Variants in CRTC3 observed in about 807,000 individuals in gnomAD.
CRTC3 encodes CREB-regulated transcription coactivator 3.
A neutral mutation model predicts 74.5 loss-of-function variants in CRTC3; 26 were observed. That is an observed-to-expected ratio of 0.35 (90% CI 0.26 to 0.48). The LOEUF is 0.48. Ranked by LOEUF, CRTC3 falls within the 20% of genes least tolerant of loss-of-function variation. The pLI, the probability that CRTC3 is intolerant of heterozygous loss-of-function variation, is 0.99. For synonymous variants in CRTC3, 377 were observed against 325.8 expected, an observed-to-expected ratio of 1.16 and a Z score of -1.69; for missense variants, 760 against 787.3, an observed-to-expected ratio of 0.97 and a Z score of 0.41.
intron 2 of CRTC3, among the ~76,000 whole-genome samples, chr15:90,559,831 T>C (rs902075468): frequency 6.6e-6 from 1 of 152,182 alleles, no homozygotes; most frequent in Non-Finnish European, 1.5e-5. Context: ...TTGGTAGAGA[T>C]GGGGTTTTGC....
intron 2 of CRTC3, among the ~76,000 whole-genome samples, chr15:90,584,498 A>G (rs972877193): frequency 6.6e-6 from 1 of 152,092 alleles, no homozygotes; most frequent in African/African-American, 2.4e-5. Flanking sequence ...CAGCCTCCCA[A>G]AGTACTGGGA....
intron 2 of CRTC3, among the ~76,000 whole-genome samples, chr15:90,558,113 A>G (rs1481389547): frequency 6.6e-6 from 1 of 152,116 alleles, no homozygotes; most frequent in East Asian, 1.9e-4. Flanking sequence ...ACTTGTGCCA[A>G]AACCTTGGAG....
At chr15:90,561,482 T>C (rs933901440) in intron 2 of CRTC3, among the ~76,000 whole-genome samples, 16 of 152,182 alleles carry the variant, frequency 1.1e-4, no homozygotes, top group East Asian at 3.8e-4. Flanking sequence ...GTGCCTTGAC[T>C]CAGTGCAGCT....
Position 90,642,820 on chromosome 15 carries a change from G to A in CRTC3, c.*680G>A, listed in dbSNP as rs1212919689. The A allele has an allele frequency of 4.3e-6, 1 of 232,874 alleles. No individual in the cohort carries two copies. Among genetic ancestry groups the A allele is most frequent in the Non-Finnish European group, 8.5e-6 (1 of 117,720 alleles). The allele number at this position is 232,874 out of a possible 1,614,324, so 14.4% of individuals were successfully genotyped here. ...TCCTTATGGACCAGAGGAAGAGGAAGACCATTTTATCAGTCACTGAAAAGA... is the reference window on the plus strand; with the variant it reads ...TCCTTATGGACCAGAGGAAGAGGAAAACCATTTTATCAGTCACTGAAAAGA... On this transcript the variant is annotated 3_prime_UTR_variant, in exon 15 of 15. Coordinates refer to ENST00000268184, the MANE Select transcript of CRTC3 (RefSeq NM_022769.5).
At position 90,642,529 on chromosome 15, in the gene CRTC3, G is replaced by T. The variant is rs907548888; in HGVS notation, c.*389G>T. ...AGAACCACTGATCTCCGTCCGCACC[G>T]AAGGCGGGCCCGGAGTGGGAGGCTC... is the stretch of plus-strand genomic sequence containing the variant. On this transcript the variant is annotated 3_prime_UTR_variant, in exon 15 of 15. Transcript: ENST00000268184. 8 of 323,584 alleles carry T rather than the reference G, an allele frequency of 2.5e-5. No individual in the cohort carries two copies. Among genetic ancestry groups the T allele is most frequent in the Non-Finnish European group, 3.5e-5 (6 of 172,560 alleles). The allele number at this position is 323,584 out of a possible 1,614,324, so 20.0% of individuals were successfully genotyped here.
chr15:90,636,696 C>G (rs1969250454), intron 11 of CRTC3, among the ~76,000 whole-genome samples: 1 of 151,800 alleles, frequency 6.6e-6, no homozygotes, highest in Admixed American at 6.6e-5. Context: ...ACAAAGAACT[C>G]AAATTTACAA....
At chr15:90,617,736 G>T (rs1345244513) in intron 7 of CRTC3, 147 bp from the exon 8 acceptor site, 2 of 574,136 alleles carry the variant, frequency 3.5e-6, no homozygotes, top group African/African-American at 3.8e-5. Context: ...TCACTATGTT[G>T]CCCAGGCTTG....
intron 13 of CRTC3, among the ~76,000 whole-genome samples, chr15:90,640,522 T>TA (rs1215551607): frequency 5.9e-5 from 9 of 151,638 alleles, no homozygotes; most frequent in Admixed American, 1.3e-4. Context: ...ACCCTGTCTC[T>TA]AAAAAAAATA....
intron 2 of CRTC3, among the ~76,000 whole-genome samples, chr15:90,583,270 AC>A (rs1254899241): frequency 6.6e-6 from 1 of 152,140 alleles, no homozygotes; most frequent in Admixed American, 6.6e-5. Context: ...TTCTGGAGTC[AC>A]CTTTTAACTT....
At chr15:90,606,882 G>C (rs972058190) in intron 5 of CRTC3, 1 of 152,490 alleles carries the variant, frequency 6.6e-6, no homozygotes, top group Non-Finnish European at 1.5e-5. Flanking sequence ...GCTTGGGAGA[G>C]AGCGAGAGTG....
chr15:90,628,077 C>T (rs981580875), intron 10 of CRTC3, among the ~76,000 whole-genome samples: 5 of 151,048 alleles, frequency 3.3e-5, no homozygotes, highest in African/African-American at 7.3e-5. Context: ...ATTAACCAGG[C>T]GTGGCGGCAC....
At chr15:90,540,239 G>C in intron 2 of CRTC3, 102 bp downstream of exon 2, 2 of 744,054 alleles carry the variant, frequency 2.7e-6, no homozygotes, top group South Asian at 3.6e-5. Context: ...CTGGGCCTAG[G>C]TACAGTTCAG....
intron 2 of CRTC3, among the ~76,000 whole-genome samples, chr15:90,545,796 T>A (rs1023028699): frequency 2.6e-5 from 4 of 152,244 alleles, no homozygotes; most frequent in Admixed American, 2.0e-4. Flanking sequence ...GCCAGGATGG[T>A]CTCCATCTCC....
chr15:90,575,606 A>G (rs149555209), intron 2 of CRTC3, among the ~76,000 whole-genome samples: 18 of 152,310 alleles, frequency 1.2e-4, no homozygotes, highest in African/African-American at 4.1e-4. Flanking sequence ...TGCTACTTCC[A>G]TCATAAACTA....
At chr15:90,532,672 G>C (rs575335049) in intron 1 of CRTC3, among the ~76,000 whole-genome samples, 6 of 152,320 alleles carry the variant, frequency 3.9e-5, no homozygotes, top group Admixed American at 3.9e-4. Context: ...GGATAGACTA[G>C]ACTGTAGAGG....
chr15:90,629,113 A>C, intron 10 of CRTC3, 121 bp from the exon 11 acceptor site: 6 of 876,036 alleles, frequency 6.8e-6, no homozygotes, highest in Non-Finnish European at 1.0e-5. Context: ...AGAGCTGTCC[A>C]GGAGCTCCTT....
intron 2 of CRTC3, among the ~76,000 whole-genome samples, chr15:90,553,236 C>T (rs575992529): frequency 6.6e-6 from 1 of 152,184 alleles, no homozygotes; most frequent in South Asian, 2.1e-4. Flanking sequence ...ACTACATGCA[C>T]TTTGCAACTC....
intron 2 of CRTC3, among the ~76,000 whole-genome samples, chr15:90,562,918 C>T (rs1279564927): frequency 1.3e-5 from 2 of 152,168 alleles, no homozygotes; most frequent in Non-Finnish European, 2.9e-5. Context: ...CCAGGCCACA[C>T]AGGCTGTGAC....
chr15:90,551,378 A>G (rs1966856177), intron 2 of CRTC3, among the ~76,000 whole-genome samples: 2 of 152,010 alleles, frequency 1.3e-5, no homozygotes, highest in African/African-American at 4.8e-5. Flanking sequence ...GCTGTCCAAT[A>G]TGTTAGTCAC....
Sources: gnomAD v4.1 joint callset for allele counts (sites outside exome capture counted in the v4.1 genomes callset) on GRCh38, gnomAD v4.1.1 for gene constraint, MANE v1.5 for transcripts, NCBI Gene and HGNC (gene_info 2026-07-23, HGNC 2026-07-21) for gene names.